AGAP1: variants seen among roughly 807,000 people sequenced by gnomAD.
AGAP1 encodes arf-GAP with GTPase, ANK repeat and PH domain-containing protein 1.
In AGAP1, 29 loss-of-function variants were observed where a neutral mutation model predicts 105.3. That is an observed-to-expected ratio of 0.28 (90% CI 0.21 to 0.38). The LOEUF (loss-of-function observed/expected upper bound fraction) is 0.38, where lower values mean the gene tolerates loss of function less well. Ranked by LOEUF, AGAP1 falls within the 10% of genes least tolerant of loss-of-function variation. The pLI is 1.00. For missense variants in AGAP1, 998 were observed against 1,165.1 expected, an observed-to-expected ratio of 0.86 and a Z score of 2.09; for synonymous variants, 509 against 485.9, an observed-to-expected ratio of 1.05 and a Z score of -0.63.
At chr2:235,946,331 G>A (rs1259593085) in intron 12 of AGAP1, among the ~76,000 whole-genome samples, 1 of 133,524 alleles carries the variant, frequency 7.5e-6, no homozygotes, top group Non-Finnish European at 1.5e-5. Context: ...TGTCAGCCAC[G>A]CTGGGGTGCA....
chr2:235,525,267 G>C (rs1281910654), intron 1 of AGAP1, among the ~76,000 whole-genome samples: 2 of 152,044 alleles, frequency 1.3e-5, no homozygotes, highest in African/African-American at 4.8e-5. Flanking sequence ...ACATAATGTG[G>C]AGGACTGATA....
intron 1 of AGAP1, among the ~76,000 whole-genome samples, chr2:235,657,628 C>T (rs943966796): frequency 4.6e-5 from 7 of 152,106 alleles, no homozygotes; most frequent in East Asian, 1.9e-4. Flanking sequence ...GTGATCCATC[C>T]GCCTCGGCCT....
At chr2:235,718,949 C>T (rs938691656) in intron 3 of AGAP1, among the ~76,000 whole-genome samples, 2 of 152,216 alleles carry the variant, frequency 1.3e-5, no homozygotes, top group East Asian at 1.9e-4. Flanking sequence ...TCCTTTGTGT[C>T]GGAATATGAA....
chr2:235,719,465 A>G lies in AGAP1; in HGVS notation c.310+1821A>G, dbSNP rs1479338056. ...ACCAAAGCATTTCTCTTGAACGTTT[A>G]TACATCAAAAGGAAGGATTGTGGGG... On this transcript the variant is annotated intron_variant, in intron 3 of 17. Transcript: ENST00000304032. This position sits in a 1 kb window ranked among gnomAD's most constrained non-coding sequence, Gnocchi z 4.9. Among the ~76,000 whole-genome samples the G allele has an allele frequency of 6.6e-6, 1 of 152,208 alleles. No homozygotes were observed. Among genetic ancestry groups the G allele is most frequent in the African/African-American group, 2.4e-5 (1 of 41,454 alleles).
Position 235,962,187 on chromosome 2 carries a change from G to A in AGAP1, c.1484-6275G>A, listed in dbSNP as rs1044536375. Reference sequence around the variant, plus strand: ...AATAGCCCCTTGGAGAGTGGGAAGTGGGTTACTACAGAAGTGAGGTAGGAT... The same window carrying A: ...AATAGCCCCTTGGAGAGTGGGAAGTAGGTTACTACAGAAGTGAGGTAGGAT... On this transcript the variant is annotated intron_variant, in intron 12 of 17. Transcript: ENST00000304032. The surrounding 1 kb of genome is among the most constrained non-coding windows in gnomAD (Gnocchi z 5.3). 1.3e-5 allele frequency among the ~76,000 whole-genome samples: 2 copies of A among 152,102 alleles called. No homozygotes were observed. Among genetic ancestry groups the A allele is most frequent in the South Asian group, 4.1e-4 (2 of 4,822 alleles).
At chr2:236,103,434 G>A (rs766487550) in intron 16 of AGAP1, among the ~76,000 whole-genome samples, 75 of 151,904 alleles carry the variant, frequency 4.9e-4, no homozygotes, top group Non-Finnish European at 6.8e-4. Context: ...GCCACTCCCC[G>A]CCCCCCACCT....
chr2:235,920,064 G>A (rs541883229), intron 11 of AGAP1, among the ~76,000 whole-genome samples: 16 of 152,264 alleles, frequency 1.1e-4, no homozygotes, highest in East Asian at 7.7e-4. Flanking sequence ...ACGACGAACC[G>A]TCTAATTCTA....
At chr2:235,758,249 A>G (rs1197382951) in intron 6 of AGAP1, among the ~76,000 whole-genome samples, 2 of 152,204 alleles carry the variant, frequency 1.3e-5, no homozygotes, top group African/African-American at 4.8e-5. Flanking sequence ...CACTTGATAT[A>G]TGTTGAAAAG....
rs1323132754 is a variant in AGAP1 at position 235,736,478 on chromosome 2, G to A, written c.311-4485G>A. On this transcript the variant is annotated intron_variant, in intron 3 of 17. Transcript: ENST00000304032. The surrounding 1 kb of genome is among the most constrained non-coding windows in gnomAD (Gnocchi z 5.5). Reference sequence around the variant, plus strand: ...CACCAGGTGCTGGGAGGATACCGGTGGGCGAACCAGACCTGCAGGAAAATA... The same window carrying A: ...CACCAGGTGCTGGGAGGATACCGGTAGGCGAACCAGACCTGCAGGAAAATA... Among the ~76,000 whole-genome samples, 4 of 152,156 alleles carry A rather than the reference G, an allele frequency of 2.6e-5. No homozygotes were observed. The highest frequency in any genetic ancestry group is 4.4e-5 in the Non-Finnish European group (3 of 68,032).
In AGAP1 at chr2:235,737,578, T is replaced by C. The variant is rs1331693179; in HGVS notation, c.311-3385T>C. The stretch of plus-strand genomic sequence containing the variant: ...TATTGTGATTCAGCCACCTGGAAGC[T>C]TCACTTGTGAACGTGACTCTGCAAA... On this transcript the variant is annotated intron_variant, in intron 3 of 17. Coordinates refer to ENST00000304032, the MANE Select transcript of AGAP1 (RefSeq NM_001037131.3). This position sits in a 1 kb window ranked among gnomAD's most constrained non-coding sequence, Gnocchi z 4.5. 6.6e-6 allele frequency among the ~76,000 whole-genome samples: 1 copy of C among 152,162 alleles called. No individual in the cohort carries two copies. Among genetic ancestry groups the C allele is most frequent in the Admixed American group, 6.5e-5 (1 of 15,276 alleles).
chr2:235,593,941 C>A (rs1039019916), intron 1 of AGAP1, among the ~76,000 whole-genome samples: 1 of 151,966 alleles, frequency 6.6e-6, no homozygotes, highest in African/African-American at 2.4e-5. Flanking sequence ...TGAACTCCAG[C>A]CTGGGGGACA....
rs768800981 is a variant in AGAP1, at chr2:236,120,410, G to A, written c.2333G>A (p.Arg778His). The A allele has an allele frequency of 1.1e-5, 17 of 1,611,384 alleles. No homozygotes were observed. Among genetic ancestry groups the A allele is most frequent in the Middle Eastern group, 2.0e-4 (1 of 4,926 alleles). Reference sequence around the variant, plus strand: ...CGCACGGCGCTGCATCTGGCCTGCCGCAAGGGGAATGTGGTCCTGGCGCAG... The same window carrying A: ...CGCACGGCGCTGCATCTGGCCTGCCACAAGGGGAATGTGGTCCTGGCGCAG... ...DGRTALHLAC[R>H]KGNVVLAQLL... The change falls in exon 17 of 18, where the codon CGC becomes CAC. Residue 778 changes from arginine (R) to histidine (H), a missense_variant. Arg to His is a conservative substitution (Grantham distance 29). Around this residue, in one of 3 missense-constraint regions of AGAP1, gnomAD observed 235 missense variants for 270.7 expected, o/e 0.87. Coordinates refer to ENST00000304032, the MANE Select transcript of AGAP1 (RefSeq NM_001037131.3). The surrounding 1 kb of genome is among the most constrained non-coding windows in gnomAD (Gnocchi z 6.0).
At chr2:235,885,019 A>G (rs1202851421) in intron 10 of AGAP1, among the ~76,000 whole-genome samples, 1 of 152,156 alleles carries the variant, frequency 6.6e-6, no homozygotes, top group East Asian at 1.9e-4. Flanking sequence ...CAGCCAAGCT[A>G]TTAATTTTTA....
chr2:236,031,330 AAG>A (rs1435123269), intron 13 of AGAP1, among the ~76,000 whole-genome samples: 1 of 152,128 alleles, frequency 6.6e-6, no homozygotes, highest in African/African-American at 2.4e-5. Context: ...GAAAGCTCGA[AAG>A]AGAACTATAG....
Position 235,979,539 on chromosome 2 carries a change from C to T in AGAP1, c.1645+10916C>T, listed in dbSNP as rs1460935735. Among the ~76,000 whole-genome samples the T allele has an allele frequency of 6.6e-6, 1 of 152,166 alleles. No individual in the cohort carries two copies. The highest frequency in any genetic ancestry group is 1.5e-5 in the Non-Finnish European group (1 of 68,038). On this transcript the variant is annotated intron_variant, in intron 13 of 17. Coordinates refer to ENST00000304032, the MANE Select transcript of AGAP1 (RefSeq NM_001037131.3). The surrounding 1 kb of genome is among the most constrained non-coding windows in gnomAD (Gnocchi z 4.5). ...ATACCCTCCTGGCTTTCCACTCCACCCCTTTCTCATCTCAGACATACCATA... is the reference window on the plus strand; with the variant it reads ...ATACCCTCCTGGCTTTCCACTCCACTCCTTTCTCATCTCAGACATACCATA...
chr2:236,043,738 TGG>T (rs564365759), intron 15 of AGAP1, among the ~76,000 whole-genome samples: 2 of 131,888 alleles, frequency 1.5e-5, no homozygotes, highest in Admixed American at 7.4e-5. Context: ...AAAAAAAAAG[TGG>T]GGGGGGTGCT....
rs1039571762 is a variant in AGAP1, at chr2:235,970,187, CAG to C, written c.1645+1567_1645+1568del. 4.6e-5 allele frequency among the ~76,000 whole-genome samples: 6 copies of C among 129,570 alleles called. No homozygotes were observed. Among genetic ancestry groups the C allele is most frequent in the African/African-American group, 1.5e-4 (5 of 33,644 alleles). The allele number at this position is 129,570 out of a possible 152,430, so 85.0% of individuals were successfully genotyped here. A position where few individuals can be genotyped will look rare whatever the true frequency, so the allele number is the denominator to read the frequency against. On this transcript the variant is annotated intron_variant, in intron 13 of 17. Coordinates refer to ENST00000304032, the MANE Select transcript of AGAP1 (RefSeq NM_001037131.3). This position sits in a 1 kb window ranked among gnomAD's most constrained non-coding sequence, Gnocchi z 5.4. ...ACTGCACTCCAGCCTGGGCGGGCGA[CAG>C]AGTGAGACTCTGTCTTTAAAAAAAA...
intron 1 of AGAP1, among the ~76,000 whole-genome samples, chr2:235,636,179 T>A (rs576093233): frequency 6.6e-6 from 1 of 151,940 alleles, no homozygotes; most frequent in East Asian, 1.9e-4. Flanking sequence ...GAGCAAAAGA[T>A]TCTAAAGAGA....
chr2:235,693,352 A>G (rs926376534), intron 1 of AGAP1, among the ~76,000 whole-genome samples: 1 of 152,076 alleles, frequency 6.6e-6, no homozygotes, highest in Non-Finnish European at 1.5e-5. Flanking sequence ...TCACCAGTCT[A>G]TGATTGGACG....
Sources: allele counts gnomAD v4.1 joint callset (sites outside exome capture counted in the v4.1 genomes callset), GRCh38; gene constraint gnomAD v4.1.1; regional missense constraint gnomAD v4.1.1; non-coding constraint Gnocchi (gnomAD v3.1); transcripts MANE v1.5; gene names NCBI Gene and HGNC (gene_info 2026-07-23, HGNC 2026-07-21).